COL5A1: variants seen among roughly 807,000 people sequenced by gnomAD.
COL5A1 encodes the protein collagen alpha-1(V) chain.
In COL5A1, 16 loss-of-function variants were observed where a neutral mutation model predicts 263.7. The ratio of observed to expected loss-of-function variants is 0.06; its 90% CI spans 0.04 to 0.09. The LOEUF is 0.09. Among genes scored for constraint, COL5A1 ranks in the 10% least tolerant of loss-of-function variants. The pLI, the probability that COL5A1 is intolerant of heterozygous loss-of-function variation, is 1.00. For synonymous variants in COL5A1, 1,012 were observed against 1,004.5 expected (o/e 1.01, Z -0.14); for missense variants, 2,036 against 2,540.5 (o/e 0.80, Z 4.27).
rs1222418559 is a variant in COL5A1 at position 134,732,393 on chromosome 9, C to G, written c.1389+266C>G. 4 of 589,788 alleles carry G rather than the reference C, an allele frequency of 6.8e-6. No individual in the cohort carries two copies. The East Asian group carries it at 1.1e-4, about 17-fold the overall frequency. 36.5% of individuals were successfully genotyped at this position (589,788 alleles called of 1,614,324 possible). On this transcript the variant is annotated intron_variant, in intron 9 of 65. Transcript: ENST00000371817. ...GCCGGTCCTGCACCCAAGCTCTGGG[C>G]ATCTCAGTGCTGGTCAGTTTCACCT...
At chr9:134,653,172 A>G (rs1395887868) in intron 1 of COL5A1, 2 of 154,482 alleles carry the variant, frequency 1.3e-5, no homozygotes, top group East Asian at 3.9e-4. Context: ...TCCCCTGCAC[A>G]CCTGGCAGCG....
At chr9:134,747,895 ACACACATGCAGACACATG>A (rs1174786765) in intron 11 of COL5A1, among the ~76,000 whole-genome samples, 5 of 147,890 alleles carry the variant, frequency 3.4e-5, no homozygotes, top group South Asian at 2.1e-4. Context: ...ATGCATTCAT[ACACACATGCAGACACATG>A]CACACATGCA....
intron 25 of COL5A1, among the ~76,000 whole-genome samples, chr9:134,771,350 C>T (rs1046008253): frequency 7.2e-5 from 11 of 152,356 alleles, no homozygotes; most frequent in African/African-American, 2.4e-4. Context: ...AGGTCCAGCC[C>T]GGCCACTCTG....
In COL5A1 at chr9:134,647,484, T is replaced by C. The variant is rs529955149; in HGVS notation, c.109+5188T>C. 1.3e-5 allele frequency among the ~76,000 whole-genome samples: 2 copies of C among 152,244 alleles called. No individual in the cohort carries two copies. The highest frequency in any genetic ancestry group is 2.9e-5 in the Non-Finnish European group (2 of 68,016). On this transcript the variant is annotated intron_variant, in intron 1 of 65. Transcript: ENST00000371817. This position sits in a 1 kb window ranked among gnomAD's most constrained non-coding sequence, Gnocchi z 5.0. ...TTGTGGGTATACATGTGTGTTTGAGTGTGCACGCATGCGCATCCTTGCACA... is the reference window on the plus strand; with the variant it reads ...TTGTGGGTATACATGTGTGTTTGAGCGTGCACGCATGCGCATCCTTGCACA...
chr9:134,703,314 C>G (rs935816328), intron 4 of COL5A1, among the ~76,000 whole-genome samples: 14 of 152,210 alleles, frequency 9.2e-5, no homozygotes, highest in African/African-American at 3.4e-4. Context: ...GCACAGGAGC[C>G]GTCCTCAGCC....
At chr9:134,769,247 C>T (rs749214567) in intron 25 of COL5A1, among the ~76,000 whole-genome samples, 9 of 152,244 alleles carry the variant, frequency 5.9e-5, no homozygotes, top group Non-Finnish European at 1.0e-4. Flanking sequence ...TGACTGCTCA[C>T]CACACAGCAT....
At chr9:134,748,167 C>A (rs1282151049) in intron 11 of COL5A1, among the ~76,000 whole-genome samples, 3 of 151,160 alleles carry the variant, frequency 2.0e-5, no homozygotes, top group Non-Finnish European at 4.4e-5. Context: ...TCCACACGTG[C>A]ACACACATGC....
intron 4 of COL5A1, among the ~76,000 whole-genome samples, chr9:134,723,450 CAG>C (rs978852426): frequency 5.9e-5 from 9 of 152,206 alleles, no homozygotes; most frequent in Admixed American, 4.6e-4. Context: ...GATGTGGAGA[CAG>C]GGGAGGCAGG....
chr9:134,824,901 AC>A, intron 62 of COL5A1, 46 bp downstream of exon 62: 1 of 1,574,236 alleles, frequency 6.4e-7, no homozygotes, highest in Non-Finnish European at 8.6e-7. Context: ...GCGGGCATGG[AC>A]CTGCAGGACA....
At chr9:134,701,050 C>G in intron 3 of COL5A1, 121 bp from the exon 4 acceptor site, 1 of 1,006,832 alleles carries the variant, frequency 9.9e-7, no homozygotes, top group African/African-American at 1.6e-5. Flanking sequence ...TGATCTGCTC[C>G]GCCCCACCAC....
At chr9:134,719,346 CAT>C (rs761561009) in intron 4 of COL5A1, among the ~76,000 whole-genome samples, 70 of 152,368 alleles carry the variant, frequency 4.6e-4, no homozygotes, top group Non-Finnish European at 4.1e-4. Context: ...GAATGCAAAA[CAT>C]ATGTGCACAG....
At chr9:134,804,740 C>T (rs1011132361) in intron 39 of COL5A1, among the ~76,000 whole-genome samples, 33 of 152,330 alleles carry the variant, frequency 2.2e-4, no homozygotes, top group Middle Eastern at 3.4e-3. Context: ...AACCCAAGTC[C>T]AGGAGTGTCT....
chr9:134,842,140 G>A lies in COL5A1; in HGVS notation c.5371-17G>A, dbSNP rs376639668. On this transcript the variant is annotated splice_polypyrimidine_tract_variant and intron_variant, in intron 65 of 65. Transcript: ENST00000371817. The surrounding 1 kb of genome is among the most constrained non-coding windows in gnomAD (Gnocchi z 5.8). The stretch of plus-strand genomic sequence containing the variant: ...AACTGTTCTTAACCACCGGCCATCT[G>A]TCTCCCTCTTCCCCAGACCAAGAAA... 56 of 1,614,090 alleles carry A rather than the reference G, an allele frequency of 3.5e-5. 1 individual carries two copies. The African/African-American group carries it at 6.0e-4, about 17-fold the overall frequency.
rs574173100 is a variant in COL5A1, at chr9:134,757,930, A to T, written c.1882-313A>T. Among the ~76,000 whole-genome samples the T allele has an allele frequency of 2.6e-5, 4 of 152,230 alleles. No individual in the cohort carries two copies. The highest frequency in any genetic ancestry group is 4.2e-4 in the South Asian group (2 of 4,808). On this transcript the variant is annotated intron_variant, in intron 17 of 65. Transcript: ENST00000371817. The surrounding 1 kb of genome is among the most constrained non-coding windows in gnomAD (Gnocchi z 6.2). ...CTGGGGTGGGGGAGATCAGCAGCAG[A>T]CACTCACACACACGGGAAACTGCAG...
chr9:134,731,088 T>A (rs1028258211), intron 7 of COL5A1, among the ~76,000 whole-genome samples: 8 of 152,220 alleles, frequency 5.3e-5, no homozygotes, highest in African/African-American at 1.9e-4. Flanking sequence ...GTGTAGCACA[T>A]GGCCGATGCT....
intron 32 of COL5A1, among the ~76,000 whole-genome samples, chr9:134,792,018 C>G (rs751041627): frequency 1.2e-4 from 18 of 152,174 alleles, no homozygotes; most frequent in Non-Finnish European, 2.2e-4. Context: ...GGAGCAGTGA[C>G]ATTTTTGCTG....
intron 59 of COL5A1, among the ~76,000 whole-genome samples, chr9:134,822,382 C>CG (rs1301258459): frequency 1.3e-5 from 2 of 152,178 alleles, no homozygotes; most frequent in African/African-American, 4.8e-5. Flanking sequence ...GGACAGGAAA[C>CG]GGTGGCCATT....
At chr9:134,798,944 C>T (rs1838014638) in intron 37 of COL5A1, among the ~76,000 whole-genome samples, 1 of 152,246 alleles carries the variant, frequency 6.6e-6, no homozygotes, top group Non-Finnish European at 1.5e-5. Flanking sequence ...AAGAGGGCGG[C>T]TGTGGGCCAT....
chr9:134,815,197 C>T (rs931898562), intron 50 of COL5A1, among the ~76,000 whole-genome samples: 1 of 152,262 alleles, frequency 6.6e-6, no homozygotes, highest in Non-Finnish European at 1.5e-5. Context: ...TTGCCCCCGC[C>T]CTTGGCCGGC....
Sources: gnomAD v4.1 joint callset for allele counts (sites outside exome capture counted in the v4.1 genomes callset) on GRCh38, gnomAD v4.1.1 for gene constraint, Gnocchi (gnomAD v3.1) non-coding constraint, MANE v1.5 for transcripts, NCBI Gene and HGNC (gene_info 2026-07-23, HGNC 2026-07-21) for gene names.